The following IFT56 variants were observed in gnomAD, a reference collection of about 807,000 sequenced individuals.
IFT56 encodes intraflagellar transport protein 56.
At chr7:139,134,778 A>AT in the IFT56 span, 2 of 1,613,762 alleles carry the variant, frequency 1.2e-6, no homozygotes, top group Non-Finnish European at 1.7e-6. Flanking sequence ...CACTGGAGCT[A>AT]TTACCCTGTT....
At chr7:139,179,486 T>C in the IFT56 span, 1 of 1,040,854 alleles carries the variant, frequency 9.6e-7, no homozygotes. Context: ...AATGCTACAG[T>C]GATCATCAAT....
At chr7:139,169,265 A>G in the IFT56 span, 8 of 1,604,968 alleles carry the variant, frequency 5.0e-6, no homozygotes, top group Admixed American at 1.7e-5. Context: ...TTATTCCTCT[A>G]TATCAGCTCA....
the IFT56 span, among the ~76,000 whole-genome samples, chr7:139,139,326 T>C: frequency 1.8e-4 from 27 of 152,234 alleles, no homozygotes; most frequent in African/African-American, 6.5e-4. Flanking sequence ...AACAACCCAC[T>C]TGTAGTAAGA....
At chr7:139,145,578 C>T in the IFT56 span, among the ~76,000 whole-genome samples, 6 of 152,058 alleles carry the variant, frequency 3.9e-5, no homozygotes, top group African/African-American at 1.4e-4. Flanking sequence ...GTGTGCACTG[C>T]CATGCCCAGC....
the IFT56 span, among the ~76,000 whole-genome samples, chr7:139,178,898 T>TA: frequency 3.8e-3 from 565 of 146,984 alleles, no homozygotes; most frequent in African/African-American, 0.013. Flanking sequence ...CCCTGTCTCT[T>TA]AAAAAAAAAA....
At chr7:139,166,856 T>G in the IFT56 span, 3 of 1,586,772 alleles carry the variant, frequency 1.9e-6, no homozygotes, top group East Asian at 2.2e-5. Context: ...TACAAGAAGC[T>G]TATAACTTAA....
chr7:139,134,694 C>G, the IFT56 span: 1 of 1,613,996 alleles, frequency 6.2e-7, no homozygotes, highest in Non-Finnish European at 8.5e-7. Context: ...CAGAGGCGTA[C>G]AGCACACTGA....
At chr7:139,180,672 G>A in the IFT56 span, among the ~76,000 whole-genome samples, 1 of 151,382 alleles carries the variant, frequency 6.6e-6, no homozygotes, top group Non-Finnish European at 1.5e-5. Context: ...TCGCACCACT[G>A]CACTCCAGCC....
the IFT56 span, among the ~76,000 whole-genome samples, chr7:139,145,552 G>A: frequency 1.3e-5 from 2 of 152,010 alleles, no homozygotes; most frequent in Non-Finnish European, 2.9e-5. Flanking sequence ...AGCCTCCCAA[G>A]TAGCTGAGAT....
At chr7:139,147,995 T>C in the IFT56 span, among the ~76,000 whole-genome samples, 1 of 152,312 alleles carries the variant, frequency 6.6e-6, no homozygotes, top group Non-Finnish European at 1.5e-5. Context: ...AACTTTCCCT[T>C]TCTTCTCTAG....
At chr7:139,174,480 C>T in the IFT56 span, among the ~76,000 whole-genome samples, 19 of 152,142 alleles carry the variant, frequency 1.2e-4, no homozygotes, top group East Asian at 3.9e-4. Context: ...TGAGTAATAC[C>T]GCACAAACAC....
the IFT56 span, among the ~76,000 whole-genome samples, chr7:139,176,284 C>T: frequency 1.3e-5 from 2 of 151,908 alleles, no homozygotes; most frequent in South Asian, 2.1e-4. Flanking sequence ...GATTGTTATG[C>T]ATTGTATGCC....
the IFT56 span, among the ~76,000 whole-genome samples, chr7:139,182,434 A>T: frequency 1.3e-5 from 2 of 152,194 alleles, no homozygotes; most frequent in African/African-American, 4.8e-5. Context: ...GGGGAGGCAG[A>T]GGGAAGGAAA....
At chr7:139,144,588 C>T in the IFT56 span, among the ~76,000 whole-genome samples, 1 of 151,630 alleles carries the variant, frequency 6.6e-6, no homozygotes, top group African/African-American at 2.4e-5. Flanking sequence ...TCCTTCTAGG[C>T]TCCCAGTAAT....
At chr7:139,187,090 G>A in the IFT56 span, among the ~76,000 whole-genome samples, 3 of 112,066 alleles carry the variant, frequency 2.7e-5, no homozygotes, top group African/African-American at 1.2e-4. Context: ...GACAGAGCGA[G>A]ACTCCGTCTC....
chr7:139,160,858 T>A, the IFT56 span: 2 of 926,818 alleles, frequency 2.2e-6, no homozygotes, highest in Non-Finnish European at 3.3e-6. Context: ...GCATGTTAAA[T>A]TCTTTGTAAA....
At chr7:139,186,887 G>T in the IFT56 span, among the ~76,000 whole-genome samples, 1 of 150,984 alleles carries the variant, frequency 6.6e-6, no homozygotes, top group Non-Finnish European at 1.5e-5. Context: ...GAGGTCAGGA[G>T]ATCGAGACCA....
the IFT56 span, among the ~76,000 whole-genome samples, chr7:139,135,933 CT>C: frequency 6.9e-6 from 1 of 145,600 alleles, no homozygotes; most frequent in Admixed American, 6.8e-5. Context: ...TTTCTTTTTT[CT>C]TTTTTTGAGT....
At chr7:139,169,142 G>T in the IFT56 span, 7 of 645,318 alleles carry the variant, frequency 1.1e-5, no homozygotes, top group Non-Finnish European at 1.8e-5. Context: ...GGGTCTAGTT[G>T]TTATGTTAAT....
Sources: gnomAD v4.1 joint callset for allele counts (sites outside exome capture counted in the v4.1 genomes callset) on GRCh38, gnomAD v4.1.1 for gene constraint, MANE v1.5 for transcripts, NCBI Gene and HGNC (gene_info 2026-07-23, HGNC 2026-07-21) for gene names.